The following PXDNL variants were observed in gnomAD, a reference collection of about 807,000 sequenced individuals.
PXDNL encodes the protein probable oxidoreductase PXDNL.
In PXDNL, 145 loss-of-function variants were observed where a neutral mutation model predicts 150.8. That is an observed-to-expected ratio of 0.96 (90% CI 0.84 to 1.10). The LOEUF is 1.10. Ranked by LOEUF, PXDNL falls within the 50% of genes least tolerant of loss-of-function variation. The pLI is 0.00. For synonymous variants in PXDNL, 757 were observed against 725.7 expected (o/e 1.04, Z -0.69); for missense variants, 2,087 against 1,873.9 (o/e 1.11, Z -2.10).
chr8:51,449,207 C>T (rs1371004184), intron 10 of PXDNL, 89 bp from the exon 11 acceptor site: 1 of 703,742 alleles, frequency 1.4e-6, no homozygotes, highest in East Asian at 2.7e-5. Flanking sequence ...TCAAATATGT[C>T]ATGTGATCAG....
intron 12 of PXDNL, among the ~76,000 whole-genome samples, chr8:51,429,425 C>T (rs1408592090): frequency 1.3e-5 from 2 of 152,078 alleles, no homozygotes; most frequent in African/African-American, 4.8e-5. Context: ...ACTAAAAATA[C>T]AATAAATTAG....
chr8:51,319,909 A>C lies in PXDNL; in HGVS notation c.4374T>G (p.Asp1458Glu). 3 of 1,544,768 alleles carry C rather than the reference A, an allele frequency of 1.9e-6. No individual in the cohort carries two copies. Among genetic ancestry groups the C allele is most frequent in the Non-Finnish European group, 2.6e-6 (3 of 1,149,096 alleles). ...PVCRDRGMPS[D>E]SPEKR ...ACTTTTATTAGCGCTTCTCTGGGGAATCACTTGGCATTCCTCGGTCTCTGC... is the reference window on the plus strand; with the variant it reads ...ACTTTTATTAGCGCTTCTCTGGGGACTCACTTGGCATTCCTCGGTCTCTGC... The change falls in exon 23 of 23, where the codon GAT becomes GAG. Residue 1458 changes from aspartate (D) to glutamate (E), a missense_variant. Physicochemically the swap from Asp to Glu is conservative, Grantham distance 45. Transcript: ENST00000356297.
chr8:51,443,680 G>C (rs1235064303), intron 12 of PXDNL, among the ~76,000 whole-genome samples: 1 of 152,156 alleles, frequency 6.6e-6, no homozygotes, highest in Admixed American at 6.6e-5. Context: ...GTAGTGAGTA[G>C]AGTAGCATTG....
chr8:51,618,909 A>G (rs1285661538), intron 2 of PXDNL, among the ~76,000 whole-genome samples: 1 of 152,240 alleles, frequency 6.6e-6, no homozygotes, highest in Admixed American at 6.5e-5. Flanking sequence ...GAGCTCCAGC[A>G]TTCTTTTACG....
At chr8:51,757,002 CA>C (rs1413829545) in intron 1 of PXDNL, among the ~76,000 whole-genome samples, 2 of 152,066 alleles carry the variant, frequency 1.3e-5, no homozygotes, top group African/African-American at 4.8e-5. Context: ...TTCTTTTTGT[CA>C]AATAGTACTA....
chr8:51,607,295 C>T (rs1451053025), intron 2 of PXDNL, among the ~76,000 whole-genome samples: 1 of 152,130 alleles, frequency 6.6e-6, no homozygotes, highest in Non-Finnish European at 1.5e-5. Context: ...CATCACATGC[C>T]ACTTTTGAGA....
intron 12 of PXDNL, among the ~76,000 whole-genome samples, chr8:51,435,277 C>G (rs1369591242): frequency 1.3e-5 from 2 of 151,914 alleles, no homozygotes; most frequent in African/African-American, 2.4e-5. Flanking sequence ...GCCACGATCA[C>G]GCCACTGCAC....
At chr8:51,758,376 A>G (rs924011343) in intron 1 of PXDNL, among the ~76,000 whole-genome samples, 1 of 152,202 alleles carries the variant, frequency 6.6e-6, no homozygotes, top group Admixed American at 6.5e-5. Context: ...TTTGGTTCAT[A>G]AAGAAATGCA....
intron 1 of PXDNL, among the ~76,000 whole-genome samples, chr8:51,749,750 G>C (rs1279934298): frequency 6.6e-6 from 1 of 152,096 alleles, no homozygotes; most frequent in Non-Finnish European, 1.5e-5. Flanking sequence ...TACCAGGCTG[G>C]AGTGCAGTGG....
At chr8:51,716,489 T>C (rs1816619192) in intron 1 of PXDNL, among the ~76,000 whole-genome samples, 1 of 152,182 alleles carries the variant, frequency 6.6e-6, no homozygotes, top group African/African-American at 2.4e-5. Flanking sequence ...TGTGTTTTTG[T>C]AAACTACTGC....
intron 1 of PXDNL, among the ~76,000 whole-genome samples, chr8:51,773,860 T>C (rs529535066): frequency 9.1e-4 from 138 of 152,340 alleles, no homozygotes; most frequent in African/African-American, 3.1e-3. Context: ...GAACTGAATC[T>C]TTATGTGTAA....
At chr8:51,774,878 C>A (rs1042262508) in intron 1 of PXDNL, among the ~76,000 whole-genome samples, 1 of 152,096 alleles carries the variant, frequency 6.6e-6, no homozygotes, top group Admixed American at 6.6e-5. Context: ...ATAAAGTTTA[C>A]ATAAAATGTC....
chr8:51,396,429 A>C (rs1391604515), intron 17 of PXDNL, among the ~76,000 whole-genome samples: 1 of 152,242 alleles, frequency 6.6e-6, no homozygotes, highest in Non-Finnish European at 1.5e-5. Context: ...TGGCCTGAGA[A>C]TGCCTGGCTG....
chr8:51,416,371 G>A (rs1808800939), intron 14 of PXDNL, among the ~76,000 whole-genome samples: 1 of 152,172 alleles, frequency 6.6e-6, no homozygotes, highest in South Asian at 2.1e-4. Flanking sequence ...AATGTGAATT[G>A]GATTGATGTT....
chr8:51,570,072 C>T (rs1585587398), intron 3 of PXDNL, among the ~76,000 whole-genome samples: 1 of 151,894 alleles, frequency 6.6e-6, no homozygotes, highest in Admixed American at 6.6e-5. Flanking sequence ...CTGCAGTGAC[C>T]GGCTCAGAGA....
chr8:51,729,719 A>G (rs536865933), intron 1 of PXDNL, among the ~76,000 whole-genome samples: 1 of 152,366 alleles, frequency 6.6e-6, no homozygotes, highest in South Asian at 2.1e-4. Context: ...TTTAATCATC[A>G]TTGTCAAGAC....
intron 1 of PXDNL, among the ~76,000 whole-genome samples, chr8:51,776,440 T>C (rs2037354651): frequency 6.6e-6 from 1 of 152,172 alleles, no homozygotes. Flanking sequence ...TCTTTTGTAC[T>C]CTTTCCATTT....
intron 1 of PXDNL, among the ~76,000 whole-genome samples, chr8:51,800,785 G>C (rs2037610574): frequency 6.6e-6 from 1 of 152,100 alleles, no homozygotes; most frequent in Non-Finnish European, 1.5e-5. Context: ...TCTTATGCCT[G>C]TCTTACTTTA....
At chr8:51,671,642 C>T (rs546911781) in intron 1 of PXDNL, among the ~76,000 whole-genome samples, 2 of 152,290 alleles carry the variant, frequency 1.3e-5, no homozygotes, top group East Asian at 1.9e-4. Flanking sequence ...CCCCAGGCCC[C>T]TGTCTCTCCA....
Sources: allele counts gnomAD v4.1 joint callset (sites outside exome capture counted in the v4.1 genomes callset), GRCh38; gene constraint gnomAD v4.1.1; transcripts MANE v1.5; gene names NCBI Gene and HGNC (gene_info 2026-07-23, HGNC 2026-07-21).